The following CADPS variants were observed in gnomAD, a reference collection of about 807,000 sequenced individuals.
CADPS encodes the protein calcium dependent secretion activator, also known as calcium-dependent secretion activator 1.
A neutral mutation model predicts 167.3 loss-of-function variants in CADPS; 57 were observed. That is an observed-to-expected ratio of 0.34 (90% CI 0.28 to 0.42). The LOEUF is 0.42. CADPS is among the 20% of genes least tolerant of loss of function. CADPS has a pLI of 1.00. For synonymous variants in CADPS, 676 were observed against 635.3 expected, an observed-to-expected ratio of 1.06 and a Z score of -0.96; for missense variants, 1,414 against 1,738.1, an observed-to-expected ratio of 0.81 and a Z score of 3.32.
At position 62,420,877 on chromosome 3, in the gene CADPS, CACACACACACACACACACACACACAG is replaced by C. The variant is rs1009165834; in HGVS notation, c.3777+17201_3777+17226del. 7.6e-6 allele frequency among the ~76,000 whole-genome samples: 1 copy of C among 131,380 alleles called. No individual in the cohort carries two copies. Among genetic ancestry groups the C allele is most frequent in the Non-Finnish European group, 1.6e-5 (1 of 62,736 alleles). 86.2% of individuals were successfully genotyped at this position (131,380 alleles called of 152,430 possible). ...GGGAGAACGAACACACACACACACA[CACACACACACACACACACACACACAG>C]GCACACACACACACACTTGCCAGAT... On this transcript the variant is annotated intron_variant, in intron 28 of 29. Coordinates refer to ENST00000383710, the MANE Select transcript of CADPS (RefSeq NM_003716.4). This position sits in a 1 kb window ranked among gnomAD's most constrained non-coding sequence, Gnocchi z 4.1.
intron 4 of CADPS, among the ~76,000 whole-genome samples, chr3:62,654,465 G>C (rs1369538780): frequency 6.6e-6 from 1 of 152,152 alleles, no homozygotes; most frequent in Non-Finnish European, 1.5e-5. Flanking sequence ...GGCTGAGATA[G>C]GGCCACTGCT....
intron 7 of CADPS, among the ~76,000 whole-genome samples, chr3:62,591,915 T>C (rs1397096153): frequency 6.6e-6 from 1 of 152,196 alleles, no homozygotes; most frequent in Non-Finnish European, 1.5e-5. Context: ...CTTTTGAATA[T>C]TCCCATGGGA....
At chr3:62,686,628 A>G (rs890883853) in intron 3 of CADPS, among the ~76,000 whole-genome samples, 1 of 151,988 alleles carries the variant, frequency 6.6e-6, no homozygotes, top group Non-Finnish European at 1.5e-5. Flanking sequence ...TCATAATAGC[A>G]TGTACTTAAG....
At chr3:62,664,622 C>A (rs2074067711) in intron 3 of CADPS, among the ~76,000 whole-genome samples, 1 of 152,326 alleles carries the variant, frequency 6.6e-6, no homozygotes, top group South Asian at 2.1e-4. Context: ...AATACATATG[C>A]AAATGAAACA....
chr3:62,768,524 A>G lies in CADPS; in HGVS notation c.442-2540T>C, dbSNP rs1050291848. ...TTATCTGTCTAACCTTTCCTTAAAT[A>G]AGCATGGTGCTCATTTAGTTAAGAA... is the stretch of plus-strand genomic sequence containing the variant. On this transcript the variant is annotated intron_variant, in intron 1 of 29. Transcript: ENST00000383710. Among the ~76,000 whole-genome samples the G allele has an allele frequency of 3.7e-4, 56 of 152,280 alleles. 1 individual carries two copies. Among genetic ancestry groups the G allele is most frequent in the Admixed American group, 3.0e-3 (46 of 15,290 alleles).
intron 1 of CADPS, among the ~76,000 whole-genome samples, chr3:62,804,554 G>GT (rs1391316374): frequency 3.3e-5 from 5 of 151,660 alleles, no homozygotes; most frequent in East Asian, 1.9e-4. Flanking sequence ...TTTTTGGCTT[G>GT]TTTTTTTTCT....
chr3:62,551,987 C>T (rs1373018414), intron 10 of CADPS, among the ~76,000 whole-genome samples: 1 of 151,962 alleles, frequency 6.6e-6, no homozygotes, highest in East Asian at 1.9e-4. Flanking sequence ...TTCATAAGTG[C>T]AGGTAGTTTT....
At chr3:62,748,421 T>C (rs554828949) in intron 3 of CADPS, among the ~76,000 whole-genome samples, 46 of 151,000 alleles carry the variant, frequency 3.0e-4, no homozygotes, top group African/African-American at 1.1e-3. Flanking sequence ...TGAGGTATTT[T>C]TCAAGGGAAA....
Position 62,437,964 on chromosome 3 carries a change from G to A in CADPS, c.3777+140C>T. ...GACACAAGACAGATAAGAGCCTAAG[G>A]CAGAGGGAGAGGAAAAGATTTAGTC... On this transcript the variant is annotated intron_variant, in intron 28 of 29. Coordinates refer to ENST00000383710, the MANE Select transcript of CADPS (RefSeq NM_003716.4). 3 of 612,618 alleles carry A rather than the reference G, an allele frequency of 4.9e-6. No individual in the cohort carries two copies. In the South Asian group the frequency reaches 5.8e-5, roughly 12 times the overall value. 37.9% of individuals were successfully genotyped at this position (612,618 alleles called of 1,614,324 possible).
At chr3:62,792,429 C>T (rs1434864778) in intron 1 of CADPS, among the ~76,000 whole-genome samples, 1 of 151,932 alleles carries the variant, frequency 6.6e-6, no homozygotes, top group East Asian at 1.9e-4. Context: ...GTCTCAAACT[C>T]CTGGGCTCAG....
At chr3:62,491,536 AACACACACACACACACACACAAACAC>A (rs1385609723) in intron 20 of CADPS, 56 bp from the exon 21 acceptor site, 9 of 1,005,210 alleles carry the variant, frequency 9.0e-6, no homozygotes, top group South Asian at 1.5e-5. Context: ...ATCAACGTAC[AACACACACACACACACACACAAACAC>A]ACACACACAC....
At position 62,474,170 on chromosome 3, in the gene CADPS, T is replaced by TTTTTTTTTTTTTTTTAC; in HGVS notation, c.3477+2_3477+3insGTAAAAAAAAAAAAAAA. On this transcript the variant is annotated splice_region_variant and intron_variant, in intron 24 of 29. Transcript: ENST00000383710. ...AAATCTGTATTTTTTTTTTTTTTTT[T>TTTTTTTTTTTTTTTTAC]ACCTCTTGGCCCATTTCCATGCTGC... 6 of 1,475,380 alleles carry TTTTTTTTTTTTTTTTAC rather than the reference T, an allele frequency of 4.1e-6. No homozygotes were observed. Among genetic ancestry groups the TTTTTTTTTTTTTTTTAC allele is most frequent in the Non-Finnish European group, 5.4e-6 (6 of 1,105,872 alleles). The allele number at this position is 1,475,380 out of a possible 1,614,324, so 91.4% of individuals were successfully genotyped here.
Position 62,444,405 on chromosome 3 carries a change from TTTGCACAGCAA to T in CADPS, c.3669+1349_3669+1359del, listed in dbSNP as rs2056872476. 2.6e-5 allele frequency among the ~76,000 whole-genome samples: 4 copies of T among 152,300 alleles called. No individual in the cohort carries two copies. In the South Asian group the frequency reaches 8.3e-4, roughly 32 times the overall value. On this transcript the variant is annotated intron_variant, in intron 27 of 29. Transcript: ENST00000383710. ...GTTCTATGTATGTTGTGTCATTTAA[TTTGCACAGCAA>T]ACCCATGACTTAGGTATTATCGTCA... is the stretch of plus-strand genomic sequence containing the variant.
chr3:62,769,903 T>C (rs1215424823), intron 1 of CADPS, among the ~76,000 whole-genome samples: 1 of 152,086 alleles, frequency 6.6e-6, no homozygotes, highest in Non-Finnish European at 1.5e-5. Flanking sequence ...ATGATAAAAC[T>C]GACTTCCCAA....
chr3:62,551,865 C>T (rs1352407383), intron 10 of CADPS, among the ~76,000 whole-genome samples: 1 of 152,148 alleles, frequency 6.6e-6, no homozygotes, highest in African/African-American at 2.4e-5. Flanking sequence ...CTAAACATCA[C>T]ATTCCTGTTG....
intron 26 of CADPS, among the ~76,000 whole-genome samples, chr3:62,454,692 T>C (rs1016805469): frequency 6.6e-6 from 1 of 152,152 alleles, no homozygotes; most frequent in Admixed American, 6.5e-5. Flanking sequence ...AAATGACCTC[T>C]GTGAACCACT....
rs78249195 is a variant in CADPS, at chr3:62,472,340, T to C, written c.3477+1833A>G. Among the ~76,000 whole-genome samples, 441 of 152,292 alleles carry C rather than the reference T, an allele frequency of 2.9e-3. 4 individuals are homozygous for C. In the East Asian group the frequency reaches 0.031, roughly 11 times the overall value. On this transcript the variant is annotated intron_variant, in intron 24 of 29. Coordinates refer to ENST00000383710, the MANE Select transcript of CADPS (RefSeq NM_003716.4). Reference sequence around the variant, plus strand: ...GTACATGTTAAACTGGTGAATTTTATGGGTATGTGAATTATATCTCAATTT... The same window carrying C: ...GTACATGTTAAACTGGTGAATTTTACGGGTATGTGAATTATATCTCAATTT...
intron 12 of CADPS, 99 bp from the exon 13 acceptor site, chr3:62,533,157 G>T: frequency 1.0e-6 from 1 of 1,003,996 alleles, no homozygotes; most frequent in Non-Finnish European, 1.5e-6. Context: ...CTGAAAAATA[G>T]CCAGAGCTAA....
intron 1 of CADPS, among the ~76,000 whole-genome samples, chr3:62,847,280 A>G (rs1326383385): frequency 1.7e-5 from 2 of 119,706 alleles, no homozygotes; most frequent in South Asian, 5.4e-4. Context: ...TTTTTTTTTA[A>G]CTTTTTTTTT....
Sources: gnomAD v4.1 joint callset for allele counts (sites outside exome capture counted in the v4.1 genomes callset) on GRCh38, gnomAD v4.1.1 for gene constraint, Gnocchi (gnomAD v3.1) non-coding constraint, MANE v1.5 for transcripts, NCBI Gene and HGNC (gene_info 2026-07-23, HGNC 2026-07-21) for gene names.